The following PDE7B variants were observed in gnomAD, a reference collection of about 807,000 sequenced individuals.
PDE7B encodes phosphodiesterase 7B.
In PDE7B, 29 loss-of-function variants were observed where a neutral mutation model predicts 56.2. The ratio of observed to expected loss-of-function variants is 0.52; its 90% CI spans 0.38 to 0.70. The LOEUF is 0.70. PDE7B is among the 30% of genes least tolerant of loss of function. The pLI is 0.00. For synonymous variants in PDE7B, 197 were observed against 196.9 expected, an observed-to-expected ratio of 1.00 and a Z score of 0.00; for missense variants, 490 against 565.0, an observed-to-expected ratio of 0.87 and a Z score of 1.35.
At chr6:135,947,566 G>A in intron 2 of PDE7B, 42 bp downstream of exon 2, 1 of 1,380,480 alleles carries the variant, frequency 7.2e-7, no homozygotes, top group South Asian at 1.2e-5. Flanking sequence ...GCATGTTGAT[G>A]TCATGTGGAG....
chr6:135,853,464 T>C (rs571233305), intron 1 of PDE7B, among the ~76,000 whole-genome samples: 1 of 152,354 alleles, frequency 6.6e-6, no homozygotes, highest in South Asian at 2.1e-4. Context: ...TTTCCTCTGC[T>C]TTATCTTTTA....
chr6:135,910,564 T>G (rs982929320), intron 1 of PDE7B, among the ~76,000 whole-genome samples: 4 of 152,214 alleles, frequency 2.6e-5, no homozygotes, highest in African/African-American at 9.6e-5. Flanking sequence ...CTACAGTTGA[T>G]GCATCTACAA....
chr6:135,909,625 A>G (rs1317749542), intron 1 of PDE7B, among the ~76,000 whole-genome samples: 2 of 151,878 alleles, frequency 1.3e-5, no homozygotes, highest in African/African-American at 2.4e-5. Flanking sequence ...ATAAATAATA[A>G]ATAAATAAAT....
At chr6:135,986,132 C>A (rs887587753) in intron 2 of PDE7B, among the ~76,000 whole-genome samples, 1 of 152,188 alleles carries the variant, frequency 6.6e-6, no homozygotes, top group African/African-American at 2.4e-5. Flanking sequence ...ATTACTGAAT[C>A]TGCAAAGAAC....
intron 2 of PDE7B, among the ~76,000 whole-genome samples, chr6:136,087,687 G>T (rs565468874): frequency 3.1e-4 from 47 of 152,324 alleles, no homozygotes; most frequent in Non-Finnish European, 5.4e-4. Flanking sequence ...TAATTAAACA[G>T]CATCGGCTTC....
At chr6:135,905,201 C>T (rs1340460735) in intron 1 of PDE7B, among the ~76,000 whole-genome samples, 3 of 152,096 alleles carry the variant, frequency 2.0e-5, no homozygotes, top group Non-Finnish European at 2.9e-5. Context: ...GTGCCACTAA[C>T]ATATTTGAGA....
chr6:136,133,602 T>C (rs568570890), intron 3 of PDE7B, among the ~76,000 whole-genome samples: 66 of 152,296 alleles, frequency 4.3e-4, no homozygotes, highest in Middle Eastern at 3.4e-3. Context: ...CTTCAATAAA[T>C]AGTCATCTCA....
At chr6:135,977,275 A>G (rs2128203770) in intron 2 of PDE7B, among the ~76,000 whole-genome samples, 1 of 152,286 alleles carries the variant, frequency 6.6e-6, no homozygotes, top group African/African-American at 2.4e-5. Flanking sequence ...CTAGGGATCC[A>G]GACCTGATCA....
At chr6:136,096,481 T>C in intron 2 of PDE7B, among the ~76,000 whole-genome samples, 1 of 114,676 alleles carries the variant, frequency 8.7e-6, no homozygotes, top group South Asian at 2.4e-4. Flanking sequence ...CAATGAATGC[T>C]TTTTTTTTTT....
At chr6:136,009,222 G>C in intron 2 of PDE7B, among the ~76,000 whole-genome samples, 1 of 151,862 alleles carries the variant, frequency 6.6e-6, no homozygotes, top group East Asian at 1.9e-4. Context: ...GTACCATGCT[G>C]TTTTGGTTAC....
At chr6:135,934,823 T>TTA (rs1562444970) in intron 1 of PDE7B, among the ~76,000 whole-genome samples, 31 of 75,184 alleles carry the variant, frequency 4.1e-4, no homozygotes, top group African/African-American at 1.2e-3. Flanking sequence ...TATATATATT[T>TTA]AATAAATAAA....
At chr6:136,149,359 C>T (rs558229070) in intron 5 of PDE7B, among the ~76,000 whole-genome samples, 1 of 152,290 alleles carries the variant, frequency 6.6e-6, no homozygotes, top group Non-Finnish European at 1.5e-5. Flanking sequence ...AATCTTAGGA[C>T]AGTTTCCTTG....
At chr6:136,148,466 A>AGGCAGGC (rs879737273) in intron 4 of PDE7B, among the ~76,000 whole-genome samples, 241 of 43,026 alleles carry the variant, frequency 5.6e-3, no homozygotes, top group African/African-American at 0.026. Context: ...GGAGGGAAGG[A>AGGCAGGC]AGGAAGGCAG....
At position 135,906,810 on chromosome 6, in the gene PDE7B, G is replaced by GTTTTTTTTTTTTTTTTTTTT. The variant is rs869049424; in HGVS notation, c.22-40647_22-40628dup. On this transcript the variant is annotated intron_variant, in intron 1 of 12. Coordinates refer to ENST00000308191, the MANE Select transcript of PDE7B (RefSeq NM_018945.4). The stretch of plus-strand genomic sequence containing the variant: ...TTTGACTCAAATGTTAATGAGGTTT[G>GTTTTTTTTTTTTTTTTTTTT]TTTTTTTTTTTTTTTTTTTTTTTTT... Among the ~76,000 whole-genome samples the GTTTTTTTTTTTTTTTTTTTT allele has an allele frequency of 5.5e-4, 33 of 59,534 alleles. 2 individuals are homozygous for GTTTTTTTTTTTTTTTTTTTT. The highest frequency in any genetic ancestry group is 7.7e-4 in the African/African-American group (11 of 14,242). The allele number at this position is 59,534 out of a possible 152,430, so 39.1% of individuals were successfully genotyped here.
chr6:135,887,864 A>G (rs1461794454), intron 1 of PDE7B, among the ~76,000 whole-genome samples: 2 of 152,130 alleles, frequency 1.3e-5, no homozygotes, highest in African/African-American at 4.8e-5. Flanking sequence ...TGTTTCTAGC[A>G]GCCACCTCAA....
At chr6:136,051,592 G>C (rs1776630033) in intron 2 of PDE7B, among the ~76,000 whole-genome samples, 1 of 152,194 alleles carries the variant, frequency 6.6e-6, no homozygotes, top group African/African-American at 2.4e-5. Flanking sequence ...AATTCAGCTT[G>C]CTGGATGCAT....
intron 2 of PDE7B, among the ~76,000 whole-genome samples, chr6:136,068,961 G>A (rs993368728): frequency 1.1e-4 from 17 of 152,190 alleles, no homozygotes; most frequent in Admixed American, 5.9e-4. Context: ...ATCTTATTGC[G>A]ACAAAGCATC....
intron 4 of PDE7B, 82 bp from the exon 5 acceptor site, chr6:136,149,004 TG>T (rs1298432533): frequency 1.0e-6 from 1 of 953,704 alleles, no homozygotes; most frequent in African/African-American, 1.6e-5. Flanking sequence ...ACTTTTTAAT[TG>T]TTTAATCCAC....
At chr6:135,983,162 T>G (rs891078713) in intron 2 of PDE7B, among the ~76,000 whole-genome samples, 3 of 152,094 alleles carry the variant, frequency 2.0e-5, no homozygotes, top group African/African-American at 7.2e-5. Flanking sequence ...AGACAAAAAA[T>G]TTAAGACACA....
Sources: allele counts gnomAD v4.1 joint callset (sites outside exome capture counted in the v4.1 genomes callset), GRCh38; gene constraint gnomAD v4.1.1; transcripts MANE v1.5; gene names NCBI Gene and HGNC (gene_info 2026-07-23, HGNC 2026-07-21).